The following PGBD5 variants were observed in gnomAD, a reference collection of about 807,000 sequenced individuals.
PGBD5 encodes the protein piggyBac transposable element-derived protein 5.
A neutral mutation model predicts 47.9 loss-of-function variants in PGBD5; 14 were observed. The observed-to-expected ratio is 0.29, with a 90% CI of 0.19 to 0.46. The LOEUF (loss-of-function observed/expected upper bound fraction) is 0.46. PGBD5 is among the 20% of genes least tolerant of loss of function. The probability of loss-of-function intolerance (pLI) is 1.00; values close to 1 mark genes in which losing one functional copy is unlikely to be tolerated. For synonymous variants in PGBD5, 316 were observed against 306.3 expected, an observed-to-expected ratio of 1.03 and a Z score of -0.33; for missense variants, 635 against 716.0, an observed-to-expected ratio of 0.89 and a Z score of 1.29.
At chr1:230,360,697 CTG>C (rs1308688130) in intron 1 of PGBD5, among the ~76,000 whole-genome samples, 3 of 152,150 alleles carry the variant, frequency 2.0e-5, no homozygotes, top group African/African-American at 7.2e-5. Context: ...ACCATGCGAA[CTG>C]TGAGTTAATG....
chr1:230,354,020 C>G (rs1299081912), intron 2 of PGBD5, among the ~76,000 whole-genome samples: 1 of 152,222 alleles, frequency 6.6e-6, no homozygotes, highest in Non-Finnish European at 1.5e-5. Flanking sequence ...CCTGGGAGAG[C>G]CAGGCCCACC....
At chr1:230,324,197 C>G (rs530127948) in intron 6 of PGBD5, among the ~76,000 whole-genome samples, 3 of 152,222 alleles carry the variant, frequency 2.0e-5, no homozygotes, top group Non-Finnish European at 4.4e-5. Context: ...CTGTCTTCTC[C>G]ATTTGTGAGT....
chr1:230,351,061 G>A lies in PGBD5; in HGVS notation c.791C>T (p.Pro264Leu), dbSNP rs1667553948. 6.2e-7 allele frequency: 1 copy of A among 1,613,708 alleles called. No homozygotes were observed. Among genetic ancestry groups the A allele is most frequent in the Non-Finnish European group, 8.5e-7 (1 of 1,179,910 alleles). ...VLHEPLIDED[P>L]VFIATCTERE... Reference sequence around the variant, plus strand: ...CTCTGTGCACGTGGCAATGAATACAGGATCCTCATCGATCAGGGGTTCATG... The same window carrying A: ...CTCTGTGCACGTGGCAATGAATACAAGATCCTCATCGATCAGGGGTTCATG... Residue 264 changes from proline to leucine, a missense_variant, in exon 3 of 7, where the codon CCT becomes CTT. Transcript: ENST00000391860.
intron 1 of PGBD5, among the ~76,000 whole-genome samples, chr1:230,363,842 T>C (rs1193439188): frequency 6.7e-6 from 1 of 149,058 alleles, no homozygotes; most frequent in Non-Finnish European, 1.5e-5. Context: ...CACAAAAATA[T>C]TCCTATCATT....
chr1:230,356,806 G>C, intron 2 of PGBD5, 88 bp downstream of exon 2: 2 of 1,426,296 alleles, frequency 1.4e-6, no homozygotes, highest in Non-Finnish European at 1.9e-6. Flanking sequence ...AGGGCAGGAA[G>C]GACACCCCAA....
At chr1:230,396,237 CA>C (rs1656961704) in intron 1 of PGBD5, among the ~76,000 whole-genome samples, 2 of 10,096 alleles carry the variant, frequency 2.0e-4, no homozygotes, top group Non-Finnish European at 1.7e-4. Context: ...TTTACCCCCA[CA>C]CTCCTCCCTT....
In PGBD5 at chr1:230,333,594, C is replaced by T. The variant is rs549734114; in HGVS notation, c.1076-553G>A. Among the ~76,000 whole-genome samples the T allele has an allele frequency of 6.0e-4, 91 of 152,330 alleles. 1 individual carries two copies. The highest frequency in any genetic ancestry group is 2.1e-3 in the African/African-American group (86 of 41,590). On this transcript the variant is annotated intron_variant, in intron 4 of 6. Transcript: ENST00000391860. ...ATGGTCTCACCAGGACGTGGCTGAA[C>T]GCGAGCCCAGTGCTGAGCCAGTCCA...
At position 230,347,658 on chromosome 1, in the gene PGBD5, C is replaced by A. The variant is rs543356275; in HGVS notation, c.894+3300G>T. ...CCATGCCTGGCTAATTTTTTTTGTA[C>A]AAAGCTGGGGCAACAATGTCTATGC... On this transcript the variant is annotated intron_variant, in intron 3 of 6. Coordinates refer to ENST00000391860, the MANE Select transcript of PGBD5 (RefSeq NM_001258311.2). Among the ~76,000 whole-genome samples the A allele has an allele frequency of 4.3e-4, 65 of 151,612 alleles. No individual in the cohort carries two copies. In the Middle Eastern group the frequency reaches 0.01, roughly 24 times the overall value.
In PGBD5 at chr1:230,317,383, C is replaced by G. The variant is rs772991979; in HGVS notation, c.*6042G>C. The G allele has an allele frequency of 6.6e-6, 1 of 152,140 alleles. No individual in the cohort carries two copies. The highest frequency in any genetic ancestry group is 2.1e-4 in the South Asian group (1 of 4,826). The allele number at this position is 152,140 out of a possible 1,614,324, so 9.4% of individuals were successfully genotyped here. A position where few individuals can be genotyped will look rare whatever the true frequency, so the allele number is the denominator to read the frequency against. On this transcript the variant is annotated 3_prime_UTR_variant, in exon 7 of 7. Transcript: ENST00000391860. ...CACTTTCCCATCACAAAAGGGGGAC[C>G]GATGGTTGTCAGCTCCCAGGGCAAT...
intron 5 of PGBD5, among the ~76,000 whole-genome samples, chr1:230,326,467 T>C (rs532504579): frequency 6.6e-6 from 1 of 152,262 alleles, no homozygotes; most frequent in East Asian, 1.9e-4. Flanking sequence ...TTATTATCAT[T>C]ATTTTTTTAG....
chr1:230,349,412 A>G (rs749346444), intron 3 of PGBD5, among the ~76,000 whole-genome samples: 1 of 151,924 alleles, frequency 6.6e-6, no homozygotes, highest in African/African-American at 2.4e-5. Context: ...TCACATGTCC[A>G]TGATCCCAGC....
chr1:230,391,822 C>G (rs1656791897), intron 1 of PGBD5, among the ~76,000 whole-genome samples: 1 of 152,212 alleles, frequency 6.6e-6, no homozygotes, highest in Non-Finnish European at 1.5e-5. Flanking sequence ...AAACACCTGG[C>G]ACTGATCTTC....
At position 230,323,796 on chromosome 1, in the gene PGBD5, G is replaced by T. The variant is rs1355250324; in HGVS notation, c.1380-176C>A. 6.6e-6 allele frequency among the ~76,000 whole-genome samples: 1 copy of T among 152,166 alleles called. No homozygotes were observed. The highest frequency in any genetic ancestry group is 2.4e-5 in the African/African-American group (1 of 41,440). ...GGATGTTAGGTGAGTTCCAGCTGGG[G>T]GTTTTGTCACAGTGAACTTCATTTA... On this transcript the variant is annotated intron_variant, in intron 6 of 6. Coordinates refer to ENST00000391860, the MANE Select transcript of PGBD5 (RefSeq NM_001258311.2). The surrounding 1 kb of genome is among the most constrained non-coding windows in gnomAD (Gnocchi z 4.1).
chr1:230,316,244 A>G lies in PGBD5; in HGVS notation c.*7181T>C, dbSNP rs560039685. The G allele has an allele frequency of 8.5e-5, 13 of 153,338 alleles. No individual in the cohort carries two copies. Among genetic ancestry groups the G allele is most frequent in the Non-Finnish European group, 1.5e-4 (10 of 68,024 alleles). The allele number at this position is 153,338 out of a possible 1,614,324, so 9.5% of individuals were successfully genotyped here. ...TATATGTGTATACGTACATATGTGT[A>G]TATATGTATTAAGTGGACATTGTAC... On this transcript the variant is annotated 3_prime_UTR_variant, in exon 7 of 7. Transcript: ENST00000391860.
intron 5 of PGBD5, 25 bp downstream of exon 5, chr1:230,332,819 G>T: frequency 6.2e-7 from 1 of 1,613,866 alleles, no homozygotes; most frequent in South Asian, 1.1e-5. Flanking sequence ...GCGCCCCACT[G>T]TGTCAATGGC....
At position 230,425,647 on chromosome 1, in the gene PGBD5, C is replaced by A; in HGVS notation, c.282G>T (p.Trp94Cys). 8.2e-7 allele frequency: 1 copy of A among 1,220,390 alleles called. No individual in the cohort carries two copies. Among genetic ancestry groups the A allele is most frequent in the Non-Finnish European group, 1.0e-6 (1 of 980,646 alleles). 75.6% of individuals were successfully genotyped at this position (1,220,390 alleles called of 1,614,324 possible). A position where few individuals can be genotyped will look rare whatever the true frequency, so the allele number is the denominator to read the frequency against. ...GCGGGCGGTCCCGCAGCGCTGCGCTCCAGCCCGCGCCGGCCTCGTCCTCCT... is the reference window on the plus strand; with the variant it reads ...GCGGGCGGTCCCGCAGCGCTGCGCTACAGCCCGCGCCGGCCTCGTCCTCCT... The part of the protein sequence containing the change: ...EPEEDEAGAG[W>C]SAALRDRPPP... Residue 94 changes from tryptophan to cysteine, a missense_variant, in exon 1 of 7, where the codon TGG becomes TGT. Coordinates refer to ENST00000391860, the MANE Select transcript of PGBD5 (RefSeq NM_001258311.2). This position sits in a 1 kb window ranked among gnomAD's most constrained non-coding sequence, Gnocchi z 4.7.
chr1:230,343,462 G>A (rs1035952661), intron 3 of PGBD5, among the ~76,000 whole-genome samples: 3 of 152,214 alleles, frequency 2.0e-5, no homozygotes, highest in African/African-American at 7.2e-5. Flanking sequence ...AGAGGTGTGG[G>A]TGGATTAACT....
chr1:230,358,906 ATC>A (rs933463962), intron 1 of PGBD5, among the ~76,000 whole-genome samples: 9 of 152,182 alleles, frequency 5.9e-5, no homozygotes, highest in African/African-American at 2.2e-4. Flanking sequence ...CTCAGAATGT[ATC>A]TCTGTCATTA....
intron 1 of PGBD5, among the ~76,000 whole-genome samples, chr1:230,366,836 G>A (rs1040267823): frequency 2.5e-4 from 38 of 152,202 alleles, no homozygotes; most frequent in Non-Finnish European, 7.4e-5. Flanking sequence ...CCCCCTTCCC[G>A]GGAGCCGACG....
Sources: allele counts gnomAD v4.1 joint callset (sites outside exome capture counted in the v4.1 genomes callset), GRCh38; gene constraint gnomAD v4.1.1; non-coding constraint Gnocchi (gnomAD v3.1); transcripts MANE v1.5; gene names NCBI Gene and HGNC (gene_info 2026-07-23, HGNC 2026-07-21).